XYLB: variants seen among roughly 807,000 people sequenced by gnomAD.
XYLB encodes the protein xylulokinase, also known as xylulose kinase.
In XYLB, 62 loss-of-function variants were observed where a neutral mutation model predicts 78.7. That is an observed-to-expected ratio of 0.79 (90% CI 0.64 to 0.97). The LOEUF (loss-of-function observed/expected upper bound fraction) is 0.97, where lower values mean the gene tolerates loss of function less well. Among genes scored for constraint, XYLB ranks in the 50% least tolerant of loss-of-function variants. The pLI is 0.00. For synonymous variants in XYLB, 245 were observed against 247.4 expected (o/e 0.99, Z 0.09); for missense variants, 687 against 676.8 (o/e 1.02, Z -0.17).
chr3:38,375,115 G>A (rs754496383), intron 11 of XYLB, 29 bp from the exon 12 acceptor site: 1 of 1,588,864 alleles, frequency 6.3e-7, no homozygotes, highest in East Asian at 2.3e-5. Flanking sequence ...CAAAGCCCAA[G>A]GTGCCCACCT....
chr3:38,388,017 A>G (rs1707460220), intron 15 of XYLB, among the ~76,000 whole-genome samples: 1 of 152,180 alleles, frequency 6.6e-6, no homozygotes, highest in Admixed American at 6.5e-5. Flanking sequence ...GTTTAAAAGT[A>G]CGGTGTTGAC....
chr3:38,416,082 A>G (rs995181268), downstream of XYLB, among the ~76,000 whole-genome samples: 1 of 152,184 alleles, frequency 6.6e-6, no homozygotes, highest in African/African-American at 2.4e-5. Context: ...CTCGCCCTCA[A>G]CACCTGGGGA....
intron 15 of XYLB, among the ~76,000 whole-genome samples, chr3:38,383,169 G>A (rs1456711538): frequency 6.6e-6 from 1 of 152,184 alleles, no homozygotes; most frequent in Non-Finnish European, 1.5e-5. Context: ...CAACAGTACC[G>A]CTGAAGTAGG....
At chr3:38,416,665 G>A (rs1708805140), downstream of XYLB, among the ~76,000 whole-genome samples, 1 of 151,488 alleles carries the variant, frequency 6.6e-6, no homozygotes, top group African/African-American at 2.4e-5. Context: ...GACCACAAAA[G>A]GCAAAGATTA....
At chr3:38,407,548 G>A (rs1343021564) in intron 18 of XYLB, among the ~76,000 whole-genome samples, 1 of 151,424 alleles carries the variant, frequency 6.6e-6, no homozygotes, top group Non-Finnish European at 1.5e-5. Flanking sequence ...AACTTTAAAT[G>A]TAAATGGACT....
At chr3:38,380,458 A>G (rs1333306008) in intron 15 of XYLB, among the ~76,000 whole-genome samples, 1 of 152,230 alleles carries the variant, frequency 6.6e-6, no homozygotes, top group Non-Finnish European at 1.5e-5. Flanking sequence ...TCTCTGGGCT[A>G]TAGCTGTTGT....
chr3:38,395,519 ATT>A lies in XYLB; in HGVS notation c.1309_1310del (p.Leu437GlyfsTer9). ...LGYRVMSKTK[I>X]LATGGASHNR... ...TTCCCTTGCAGTGTCCAAGACAAAG[ATT>A]TTGGCCACAGGAGGAGCATCTCACA... On this transcript the variant is annotated frameshift_variant, in exon 16 of 19. Transcript: ENST00000207870. LOFTEE classifies it high-confidence loss of function. 1 of 1,614,220 alleles carries A rather than the reference ATT, an allele frequency of 6.2e-7. No individual in the cohort carries two copies. The highest frequency in any genetic ancestry group is 8.5e-7 in the Non-Finnish European group (1 of 1,180,042).
intron 18 of XYLB, among the ~76,000 whole-genome samples, chr3:38,401,874 G>T (rs368579898): frequency 1.3e-5 from 2 of 152,188 alleles, no homozygotes; most frequent in East Asian, 1.9e-4. Flanking sequence ...CAGCCCAGCA[G>T]CAGGGGTGGG....
chr3:38,383,794 A>G (rs1015786633), intron 15 of XYLB, among the ~76,000 whole-genome samples: 1 of 152,172 alleles, frequency 6.6e-6, no homozygotes, highest in African/African-American at 2.4e-5. Flanking sequence ...CCATGTCTCA[A>G]AAAAATAAAG....
At chr3:38,410,152 A>G (rs1295374356) in intron 18 of XYLB, among the ~76,000 whole-genome samples, 3 of 152,260 alleles carry the variant, frequency 2.0e-5, no homozygotes, top group African/African-American at 4.8e-5. Context: ...GGCTACAGTA[A>G]TCAAAACAGC....
the XYLB span, among the ~76,000 whole-genome samples, chr3:38,445,090 G>A: frequency 6.6e-6 from 1 of 152,082 alleles, no homozygotes; most frequent in Non-Finnish European, 1.5e-5. Flanking sequence ...GTTAGTATTG[G>A]GACCTTACCC....
chr3:38,405,524 C>T (rs2125665685), intron 18 of XYLB, among the ~76,000 whole-genome samples: 1 of 152,328 alleles, frequency 6.6e-6, no homozygotes, highest in African/African-American at 2.4e-5. Context: ...GAGTGCCAGA[C>T]AGTGGGCACA....
At chr3:38,361,441 T>C (rs1394829844) in intron 3 of XYLB, among the ~76,000 whole-genome samples, 2 of 152,268 alleles carry the variant, frequency 1.3e-5, no homozygotes, top group East Asian at 3.8e-4. Flanking sequence ...GTATGATTTC[T>C]TTTTTATTGG....
the XYLB span, among the ~76,000 whole-genome samples, chr3:38,427,085 T>C: frequency 6.6e-6 from 1 of 152,244 alleles, no homozygotes; most frequent in Admixed American, 6.5e-5. Flanking sequence ...ATAGAAGCAA[T>C]GCTTATCACT....
intron 11 of XYLB, 141 bp downstream of exon 11, chr3:38,374,643 G>A: frequency 9.9e-7 from 1 of 1,011,322 alleles, no homozygotes; most frequent in Non-Finnish European, 1.5e-6. Context: ...CTACTTATCA[G>A]AGTGTCTGCC....
intron 17 of XYLB, among the ~76,000 whole-genome samples, chr3:38,398,135 A>G (rs1707963424): frequency 6.6e-6 from 1 of 151,368 alleles, no homozygotes; most frequent in Admixed American, 6.6e-5. Flanking sequence ...ATGTTTTTCT[A>G]TCAACGTTGA....
intron 17 of XYLB, among the ~76,000 whole-genome samples, chr3:38,399,721 C>G (rs919978365): frequency 6.6e-6 from 1 of 152,118 alleles, no homozygotes; most frequent in African/African-American, 2.4e-5. Flanking sequence ...TTGTTTTATT[C>G]TTTTTCCCTT....
At chr3:38,378,718 G>A (rs867098856) in intron 14 of XYLB, among the ~76,000 whole-genome samples, 13 of 151,516 alleles carry the variant, frequency 8.6e-5, no homozygotes, top group Middle Eastern at 3.4e-3. Context: ...GGTCTCAGGT[G>A]CCAGAGAAGC....
intron 7 of XYLB, 117 bp from the exon 8 acceptor site, chr3:38,368,068 G>T (rs1706355755): frequency 2.1e-6 from 2 of 939,866 alleles, no homozygotes; most frequent in South Asian, 2.9e-5. Context: ...TGGGCCTTTT[G>T]TTCAAAGTTT....
Sources: allele counts gnomAD v4.1 joint callset (sites outside exome capture counted in the v4.1 genomes callset), GRCh38; gene constraint gnomAD v4.1.1; transcripts MANE v1.5; gene names NCBI Gene and HGNC (gene_info 2026-07-23, HGNC 2026-07-21).